Variants in SHROOM3 observed in about 807,000 individuals in gnomAD.
SHROOM3 encodes protein Shroom3.
In SHROOM3, 47 loss-of-function variants were observed where a neutral mutation model predicts 138.6. The observed-to-expected ratio is 0.34, with a 90% CI of 0.27 to 0.43. The LOEUF (loss-of-function observed/expected upper bound fraction) is 0.43, where lower values mean the gene tolerates loss of function less well. Ranked by LOEUF, SHROOM3 falls within the 20% of genes least tolerant of loss-of-function variation. The pLI is 1.00. For synonymous variants in SHROOM3, 1,062 were observed against 1,063.3 expected (o/e 1.00, Z 0.02); for missense variants, 2,491 against 2,596.5 (o/e 0.96, Z 0.88).
intron 2 of SHROOM3, among the ~76,000 whole-genome samples, chr4:76,652,182 C>T (rs1256787131): frequency 2.0e-5 from 3 of 152,028 alleles, no homozygotes; most frequent in South Asian, 4.1e-4. Flanking sequence ...TTGGTTTTGG[C>T]AGTTTAATAA....
chr4:76,755,434 A>G (rs1390135939), intron 7 of SHROOM3, among the ~76,000 whole-genome samples: 4 of 152,188 alleles, frequency 2.6e-5, no homozygotes, highest in Non-Finnish European at 5.9e-5. Context: ...ACTTCTGGGG[A>G]CAGGATAGGC....
intron 2 of SHROOM3, among the ~76,000 whole-genome samples, chr4:76,592,696 C>T (rs1734299272): frequency 6.6e-6 from 1 of 152,162 alleles, no homozygotes; most frequent in African/African-American, 2.4e-5. Flanking sequence ...TCTCTAGGGA[C>T]AGGTGTATTT....
chr4:76,623,565 T>C (rs1468241131), intron 2 of SHROOM3, among the ~76,000 whole-genome samples: 1 of 152,266 alleles, frequency 6.6e-6, no homozygotes, highest in Non-Finnish European at 1.5e-5. Context: ...ATGAACATTC[T>C]ACATTTTTCT....
At chr4:76,769,148 T>C (rs1169813638) in intron 9 of SHROOM3, among the ~76,000 whole-genome samples, 1 of 151,686 alleles carries the variant, frequency 6.6e-6, no homozygotes, top group Non-Finnish European at 1.5e-5. Flanking sequence ...AATGAACATA[T>C]ACTTCCAACA....
chr4:76,740,596 A>T lies in SHROOM3; in HGVS notation c.2423A>T (p.Asn808Ile), dbSNP rs574208124. The T allele has an allele frequency of 1.2e-6, 2 of 1,614,124 alleles. No homozygotes were observed. Among genetic ancestry groups the T allele is most frequent in the South Asian group, 1.1e-5 (1 of 91,078 alleles). The change falls in exon 5 of 11, where the codon AAC becomes ATC. Residue 808 changes from asparagine to isoleucine, a missense_variant. Asn to Ile is a moderately radical substitution (Grantham distance 149). Transcript: ENST00000296043. This position sits in a 1 kb window ranked among gnomAD's most constrained non-coding sequence, Gnocchi z 4.0. ...GTGGGCGGCTCTGGTTTTGGCCATA[A>T]CTATAGGCCCCACAGGACCGTCTCA... is the stretch of plus-strand genomic sequence containing the variant. ...PSVGGSGFGH[N>I]YRPHRTVSTS...
At chr4:76,592,451 G>A (rs891689694) in intron 2 of SHROOM3, among the ~76,000 whole-genome samples, 11 of 152,192 alleles carry the variant, frequency 7.2e-5, no homozygotes, top group African/African-American at 2.7e-4. Context: ...CATAGTCTAG[G>A]ATTTAAGGAT....
At chr4:76,758,401 G>A (rs1027044471) in intron 8 of SHROOM3, 1 of 150,460 alleles carries the variant, frequency 6.6e-6, no homozygotes, top group Non-Finnish European at 1.5e-5. Context: ...TGCTCCGTCA[G>A]TTTAGAAGCA....
At position 76,630,865 on chromosome 4, in the gene SHROOM3, G is replaced by A. The variant is rs577189335; in HGVS notation, c.323+75102G>A. Among the ~76,000 whole-genome samples, 222 of 152,266 alleles carry A rather than the reference G, an allele frequency of 1.5e-3. 5 individuals carry two copies. The highest frequency in any genetic ancestry group is 5.1e-3 in the African/African-American group (211 of 41,548). Reference sequence around the variant, plus strand: ...TACCCCAAGTGCCAGCACTTTCTTAGCTATTGTGAATTATGTGGATGGGCT... The same window carrying A: ...TACCCCAAGTGCCAGCACTTTCTTAACTATTGTGAATTATGTGGATGGGCT... On this transcript the variant is annotated intron_variant, in intron 2 of 10. Transcript: ENST00000296043.
At chr4:76,640,543 CA>C (rs1735637858) in intron 2 of SHROOM3, among the ~76,000 whole-genome samples, 1 of 152,144 alleles carries the variant, frequency 6.6e-6, no homozygotes, top group Non-Finnish European at 1.5e-5. Context: ...ATCACAGAAG[CA>C]GAAAAGCCAG....
chr4:76,442,571 G>T (rs929696423), intron 1 of SHROOM3, among the ~76,000 whole-genome samples: 1 of 151,864 alleles, frequency 6.6e-6, no homozygotes, highest in African/African-American at 2.4e-5. Context: ...CACCACGCAC[G>T]GCTAATTTTT....
At chr4:76,446,428 G>T (rs115154935) in intron 1 of SHROOM3, among the ~76,000 whole-genome samples, 10 of 151,568 alleles carry the variant, frequency 6.6e-5, no homozygotes, top group South Asian at 2.1e-4. Context: ...GGCGGTGGGG[G>T]ATGCACATCT....
chr4:76,747,296 A>G (rs910573448), intron 5 of SHROOM3, among the ~76,000 whole-genome samples: 3 of 152,104 alleles, frequency 2.0e-5, no homozygotes, highest in Admixed American at 2.0e-4. Flanking sequence ...CTTCTTACCA[A>G]TTTATAGAAA....
intron 3 of SHROOM3, 152 bp downstream of exon 3, chr4:76,710,439 A>G: frequency 1.1e-6 from 1 of 916,244 alleles, no homozygotes; most frequent in South Asian, 1.4e-5. Flanking sequence ...GCGAGATAGA[A>G]GCTCAGAGTT....
At chr4:76,633,522 G>A (rs1428446472) in intron 2 of SHROOM3, among the ~76,000 whole-genome samples, 6 of 151,386 alleles carry the variant, frequency 4.0e-5, no homozygotes, top group African/African-American at 7.3e-5. Flanking sequence ...CGGGTGTGGT[G>A]GCGGGCGCCT....
intron 1 of SHROOM3, among the ~76,000 whole-genome samples, chr4:76,552,086 C>T (rs898919404): frequency 6.7e-6 from 1 of 150,188 alleles, no homozygotes; most frequent in Non-Finnish European, 1.5e-5. Context: ...TGGACTCGAT[C>T]TCCTGACCTT....
chr4:76,679,461 T>A (rs1426025518), intron 2 of SHROOM3, among the ~76,000 whole-genome samples: 1 of 152,172 alleles, frequency 6.6e-6, no homozygotes, highest in Non-Finnish European at 1.5e-5. Context: ...ATAGGAACTG[T>A]ACCAAATTCC....
At chr4:76,586,398 T>TG in intron 2 of SHROOM3, 1 of 985,642 alleles carries the variant, frequency 1.0e-6, no homozygotes, top group Non-Finnish European at 1.2e-6. Context: ...CTTGGCCCAG[T>TG]GTCACGCAGG....
At chr4:76,773,899 C>T (rs1722456036) in intron 10 of SHROOM3, among the ~76,000 whole-genome samples, 1 of 152,132 alleles carries the variant, frequency 6.6e-6, no homozygotes, top group East Asian at 1.9e-4. Context: ...CACAGTCATA[C>T]ACTAGACTTT....
chr4:76,748,145 T>G (rs1279873451), intron 5 of SHROOM3, among the ~76,000 whole-genome samples: 1 of 152,202 alleles, frequency 6.6e-6, no homozygotes, highest in African/African-American at 2.4e-5. Flanking sequence ...GCTCCCACCT[T>G]TGACCCTTTC....
Sources: gnomAD v4.1 joint callset for allele counts (sites outside exome capture counted in the v4.1 genomes callset) on GRCh38, gnomAD v4.1.1 for gene constraint, Gnocchi (gnomAD v3.1) non-coding constraint, MANE v1.5 for transcripts, NCBI Gene and HGNC (gene_info 2026-07-23, HGNC 2026-07-21) for gene names.